The following ATN1 variants were observed in gnomAD, a reference collection of about 807,000 sequenced individuals.
ATN1 encodes atrophin-1.
ATN1 carries 19 observed loss-of-function variants against 85.8 expected under a neutral mutation model. That is an observed-to-expected ratio of 0.22 (90% CI 0.15 to 0.32). The LOEUF is 0.32. Among genes scored for constraint, ATN1 ranks in the 10% least tolerant of loss-of-function variants. The pLI is 1.00. For synonymous variants in ATN1, 674 were observed against 657.0 expected, an observed-to-expected ratio of 1.03 and a Z score of -0.39; for missense variants, 1,453 against 1,564.5, an observed-to-expected ratio of 0.93 and a Z score of 1.20.
intron 1 of ATN1, among the ~76,000 whole-genome samples, chr12:6,930,678 C>A (rs886772709): frequency 2.0e-5 from 3 of 152,080 alleles, no homozygotes; most frequent in African/African-American, 7.2e-5. Context: ...CGCCTGTAGT[C>A]CCAGCTACTC....
chr12:6,935,098 G>A lies in ATN1; in HGVS notation c.280-449G>A, dbSNP rs1945515116. On this transcript the variant is annotated intron_variant, in intron 4 of 9. Coordinates refer to ENST00000396684, the MANE Select transcript of ATN1 (RefSeq NM_001940.4). The surrounding 1 kb of genome is among the most constrained non-coding windows in gnomAD (Gnocchi z 5.3). ...AGACAGTGTTTCACCATGTTGGCCA[G>A]GCTGGTTTGGAACTCCTGGCATCAA... 6.6e-6 allele frequency among the ~76,000 whole-genome samples: 1 copy of A among 152,154 alleles called. No individual in the cohort carries two copies. The highest frequency in any genetic ancestry group is 6.5e-5 in the Admixed American group (1 of 15,272).
At chr12:6,939,562 C>T (rs782670783) in intron 7 of ATN1, among the ~76,000 whole-genome samples, 14 of 152,316 alleles carry the variant, frequency 9.2e-5, no homozygotes, top group Non-Finnish European at 7.3e-5. Context: ...AGTGTAGTGG[C>T]GCAATCACAG....
chr12:6,927,103 TTC>T (rs1353338276), upstream of ATN1, among the ~76,000 whole-genome samples: 6 of 151,860 alleles, frequency 4.0e-5, no homozygotes, highest in African/African-American at 1.5e-4. Flanking sequence ...TCCTCTGGAC[TTC>T]TCTCTCTCCA....
chr12:6,934,234 C>T lies in ATN1; in HGVS notation c.86C>T (p.Ser29Leu), dbSNP rs371722337. 7.6e-5 allele frequency: 121 copies of T among 1,589,162 alleles called. No homozygotes were observed. Among genetic ancestry groups the T allele is most frequent in the Non-Finnish European group, 1.5e-5 (18 of 1,174,050 alleles). The change falls in exon 3 of 10, where the codon TCG (serine) becomes TTG (leucine). Residue 29 changes from serine (S) to leucine (L), a missense_variant. Ser to Leu is a moderately radical substitution (Grantham distance 145). Transcript: ENST00000396684. This position sits in a 1 kb window ranked among gnomAD's most constrained non-coding sequence, Gnocchi z 4.5. ...EAPGPREELR[S>L]RGRASPGGVS... is the part of the protein sequence containing the mutation. Reference sequence around the variant, plus strand: ...CCTGGGCCCCGGGAAGAACTGAGATCGAGGGGCCGGGCCTCCCCTGGAGGG... The same window carrying T: ...CCTGGGCCCCGGGAAGAACTGAGATTGAGGGGCCGGGCCTCCCCTGGAGGG...
At chr12:6,930,604 G>C (rs982380789) in intron 1 of ATN1, among the ~76,000 whole-genome samples, 2 of 152,050 alleles carry the variant, frequency 1.3e-5, no homozygotes, top group African/African-American at 4.8e-5. Flanking sequence ...GACCATCCTG[G>C]CTAACACGGT....
At position 6,941,305 on chromosome 12, in the gene ATN1, C is replaced by A; in HGVS notation, c.3359-69C>A. On this transcript the variant is annotated intron_variant, in intron 8 of 9. Coordinates refer to ENST00000396684, the MANE Select transcript of ATN1 (RefSeq NM_001940.4). This position sits in a 1 kb window ranked among gnomAD's most constrained non-coding sequence, Gnocchi z 5.9. ...TTACCTTTGTATGTAAAGGAGCTGG[C>A]TATCCCCTGGTCCAGAGCAGGTACT... 6.6e-7 allele frequency: 1 copy of A among 1,504,272 alleles called. No homozygotes were observed. The highest frequency in any genetic ancestry group is 1.3e-5 in the South Asian group (1 of 76,186). 93.2% of individuals were successfully genotyped at this position (1,504,272 alleles called of 1,614,324 possible). A position where few individuals can be genotyped will look rare whatever the true frequency, so the allele number is the denominator to read the frequency against.
chr12:6,940,187 T>C (rs1863859227), intron 7 of ATN1, among the ~76,000 whole-genome samples: 2 of 152,204 alleles, frequency 1.3e-5, no homozygotes, highest in Admixed American at 6.5e-5. Flanking sequence ...ACACGGGGTT[T>C]CACCATGTTG....
chr12:6,936,031 C>A lies in ATN1; in HGVS notation c.764C>A (p.Pro255Gln). Residue 255 changes from proline to glutamine, a missense_variant, in exon 5 of 10, where the codon CCA (proline) becomes CAA (glutamine). Physicochemically the swap from Pro to Gln is moderately conservative, Grantham distance 76. Around this residue, in one of 6 missense-constraint regions of ATN1, gnomAD observed 990 missense variants for 914.8 expected, o/e 1.08. Coordinates refer to ENST00000396684, the MANE Select transcript of ATN1 (RefSeq NM_001940.4). ...CCTAATGGGGGTAAGCAGCACCCCC[C>A]ACCCACTACTCCCATTTCAGTATCA... is the stretch of plus-strand genomic sequence containing the variant. Reference protein sequence around the residue: ...GGPNGGKQHPPPTTPISVSSS... With the variant: ...GGPNGGKQHPQPTTPISVSSS... 6.3e-7 allele frequency: 1 copy of A among 1,580,382 alleles called. No individual in the cohort carries two copies. The highest frequency in any genetic ancestry group is 1.8e-5 in the Admixed American group (1 of 55,482).
At chr12:6,927,539 C>A (rs1201091490), upstream of ATN1, among the ~76,000 whole-genome samples, 3 of 152,054 alleles carry the variant, frequency 2.0e-5, no homozygotes, top group Non-Finnish European at 4.4e-5. Flanking sequence ...AGCCCTCTCC[C>A]GCGCCGGGCC....
In ATN1 at chr12:6,937,065, C is replaced by T. The variant is rs1555143875; in HGVS notation, c.1798C>T (p.Pro600Ser). 7.4e-6 allele frequency: 12 copies of T among 1,613,580 alleles called. No homozygotes were observed. Among genetic ancestry groups the T allele is most frequent in the Non-Finnish European group, 1.0e-5 (12 of 1,180,044 alleles). The change falls in exon 5 of 10, where the codon CCT becomes TCT. Residue 600 changes from proline to serine, a missense_variant. By Grantham distance (74) the Pro-to-Ser change is moderately conservative. This residue lies in a region of ATN1 where 990 missense variants were observed against 914.8 expected (regional missense o/e 1.08). Transcript: ENST00000396684. The surrounding 1 kb of genome is among the most constrained non-coding windows in gnomAD (Gnocchi z 6.0). ...PSQGPQGAPYPFPPVPTVTTS... is the reference protein window; with the variant it reads ...PSQGPQGAPYSFPPVPTVTTS... Reference sequence around the variant, plus strand: ...CCAGGGCCCTCAAGGGGCGCCCTACCCTTTCCCACCGGTGCCTACGGTCAC... The same window carrying T: ...CCAGGGCCCTCAAGGGGCGCCCTACTCTTTCCCACCGGTGCCTACGGTCAC...
In ATN1 at chr12:6,936,689, A is replaced by G; in HGVS notation, c.1422A>G (p.Pro474=). 6.2e-7 allele frequency: 1 copy of G among 1,611,276 alleles called. No individual in the cohort carries two copies. The highest frequency in any genetic ancestry group is 8.5e-7 in the Non-Finnish European group (1 of 1,179,124). Residue 474 remains proline (P), a synonymous_variant, in exon 5 of 10, where the codon CCA becomes CCG. Transcript: ENST00000396684. ...CTGGGGCCCAGTCCACCGCCCACCC[A>G]CCAGTCTCAACACATCACCATCACC... is the stretch of plus-strand genomic sequence containing the variant. ...PSTGAQSTAH[P]PVSTHHHHHQ...
chr12:6,941,168 T>A lies in ATN1; in HGVS notation c.3358+145T>A, dbSNP rs1332636494. ...GGCATGGGAATAGGAGAGCTGGAGC[T>A]CTGCCCAAGAGAAGCACGAGTTTTA... On this transcript the variant is annotated intron_variant, in intron 8 of 9. Coordinates refer to ENST00000396684, the MANE Select transcript of ATN1 (RefSeq NM_001940.4). This position sits in a 1 kb window ranked among gnomAD's most constrained non-coding sequence, Gnocchi z 5.9. 1 of 1,261,898 alleles carries A rather than the reference T, an allele frequency of 7.9e-7. No homozygotes were observed. Among genetic ancestry groups the A allele is most frequent in the Non-Finnish European group, 1.1e-6 (1 of 928,104 alleles). The allele number at this position is 1,261,898 out of a possible 1,614,324, so 78.2% of individuals were successfully genotyped here. A position where few individuals can be genotyped will look rare whatever the true frequency, so the allele number is the denominator to read the frequency against.
In ATN1 at chr12:6,936,924, CACAGCCAGGTGTCCT is replaced by C. The variant is rs781859543; in HGVS notation, c.1665_1679del (p.Val556_Gln560del). ...AGGGCCAGCACACCTGCCCCCACCT[CACAGCCAGGTGTCCT>C]ACAGCCAAGCAGGCCCCAATGGCCC... On this transcript the variant is annotated inframe_deletion, in exon 5 of 10. Transcript: ENST00000396684. 3.7e-6 allele frequency: 6 copies of C among 1,614,098 alleles called. No homozygotes were observed. The South Asian group carries it at 6.6e-5, about 18-fold the overall frequency.
chr12:6,933,973 A>T lies in ATN1; in HGVS notation c.-29A>T. On this transcript the variant is annotated 5_prime_UTR_variant, in exon 2 of 10. Transcript: ENST00000396684. ...TTTCTGTATTCAGCTGCCCAGGCAGAGGAGAATGGGGTCTCCACAGCCTGA... is the reference window on the plus strand; with the variant it reads ...TTTCTGTATTCAGCTGCCCAGGCAGTGGAGAATGGGGTCTCCACAGCCTGA... 6.3e-7 allele frequency: 1 copy of T among 1,596,364 alleles called. No homozygotes were observed.
chr12:6,935,455 CTG>C lies in ATN1; in HGVS notation c.280-89_280-88del, dbSNP rs1366692294. On this transcript the variant is annotated intron_variant, in intron 4 of 9. Coordinates refer to ENST00000396684, the MANE Select transcript of ATN1 (RefSeq NM_001940.4). This position sits in a 1 kb window ranked among gnomAD's most constrained non-coding sequence, Gnocchi z 5.3. ...CACCACATCACAGTACAACAGTGTGCTGTGAGGGGAAATGATTTTATGCAAGA... is the reference window on the plus strand; with the variant it reads ...CACCACATCACAGTACAACAGTGTGCTGAGGGGAAATGATTTTATGCAAGA... 20 of 1,383,846 alleles carry C rather than the reference CTG, an allele frequency of 1.4e-5. No homozygotes were observed. The highest frequency in any genetic ancestry group is 1.9e-5 in the Non-Finnish European group (19 of 1,017,806). 85.7% of individuals were successfully genotyped at this position (1,383,846 alleles called of 1,614,324 possible).
In ATN1 at chr12:6,941,765, C is replaced by T. The variant is rs368520382; in HGVS notation, c.3558C>T (p.Ser1186=). 2.3e-5 allele frequency: 37 copies of T among 1,613,864 alleles called. 1 individual carries two copies. The African/African-American group carries it at 2.4e-4, about 10-fold the overall frequency. The change falls in exon 10 of 10, where the codon AGC becomes AGT. Residue 1186 remains serine (S), a synonymous_variant. Coordinates refer to ENST00000396684, the MANE Select transcript of ATN1 (RefSeq NM_001940.4). The surrounding 1 kb of genome is among the most constrained non-coding windows in gnomAD (Gnocchi z 5.9). The part of the protein sequence containing the change: ...EDYYSHLKKE[S]DKPL The stretch of plus-strand genomic sequence containing the variant: ...TCCCTAGTCACCTGAAGAAGGAAAG[C>T]GACAAGCCACTGTAGAACCTGCGAT...
intron 7 of ATN1, 136 bp from the exon 8 acceptor site, chr12:6,940,744 C>T: frequency 8.3e-6 from 9 of 1,078,084 alleles, no homozygotes; most frequent in Non-Finnish European, 1.3e-5. Flanking sequence ...TCTAGTTCTT[C>T]CACTCTGCCT....
chr12:6,931,010 C>A (rs1945455638), intron 1 of ATN1, among the ~76,000 whole-genome samples: 1 of 152,128 alleles, frequency 6.6e-6, no homozygotes, highest in Admixed American at 6.5e-5. Context: ...CACTCCTTAT[C>A]CCCAGGATTA....
Position 6,938,023 on chromosome 12 carries a change from A to G in ATN1, c.2473A>G (p.Lys825Glu), listed in dbSNP as rs1235700557. 1.3e-6 allele frequency: 2 copies of G among 1,546,356 alleles called. No individual in the cohort carries two copies. The highest frequency in any genetic ancestry group is 1.7e-6 in the Non-Finnish European group (2 of 1,146,210). Residue 825 changes from lysine (K) to glutamate (E), a missense_variant, in exon 6 of 10, where the codon AAA (lysine) becomes GAA (glutamate). By Grantham distance (56) the Lys-to-Glu change is moderately conservative (BLOSUM62 1). This residue lies in a region of ATN1 where 990 missense variants were observed against 914.8 expected (regional missense o/e 1.08). Transcript: ENST00000396684. The stretch of plus-strand genomic sequence containing the variant: ...GCGCGAGCGCGAGCGGGAACGCGAG[A>G]AAGAGCGCGAGCGCGAGAAGGAGCG... ...KEREREREREKEREREKEREL... is the reference protein window; with the variant it reads ...KEREREREREEEREREKEREL...
Sources: gnomAD v4.1 joint callset for allele counts (sites outside exome capture counted in the v4.1 genomes callset) on GRCh38, gnomAD v4.1.1 for gene constraint, gnomAD v4.1.1 regional missense constraint, Gnocchi (gnomAD v3.1) non-coding constraint, MANE v1.5 for transcripts, NCBI Gene and HGNC (gene_info 2026-07-23, HGNC 2026-07-21) for gene names.